Variants in PCCB observed in about 807,000 individuals in gnomAD.
PCCB encodes the protein propionyl-CoA carboxylase subunit beta, also known as propionyl-CoA carboxylase beta chain, mitochondrial.
Under a neutral mutation model 60.7 loss-of-function variants are expected in PCCB, and 43 were observed. The ratio of observed to expected loss-of-function variants is 0.71; its 90% CI spans 0.55 to 0.91. The LOEUF (loss-of-function observed/expected upper bound fraction) is 0.91. PCCB is among the 40% of genes least tolerant of loss of function. The pLI is 0.00. For synonymous variants in PCCB, 276 were observed against 255.9 expected (o/e 1.08, Z -0.75); for missense variants, 766 against 702.8 (o/e 1.09, Z -1.02).
At chr3:136,276,292 G>A (rs181014347) in intron 5 of PCCB, among the ~76,000 whole-genome samples, 76 of 152,282 alleles carry the variant, frequency 5.0e-4, no homozygotes, top group African/African-American at 1.8e-3. Context: ...AAGCAAATGG[G>A]TAAATGCAAT....
rs368340199 is a variant in PCCB at position 136,327,130 on chromosome 3, T to C, written c.1199-25T>C. The C allele has an allele frequency of 1.3e-4, 202 of 1,600,864 alleles. 1 individual carries two copies. Among genetic ancestry groups the C allele is most frequent in the Non-Finnish European group, 1.3e-4 (154 of 1,168,026 alleles). The stretch of plus-strand genomic sequence containing the variant: ...ATAACCATGTGAGGACTTGTGGGTA[T>C]CTAGTAACTCTTCCTCATGTCTAGG... On this transcript the variant is annotated intron_variant, in intron 11 of 14. Coordinates refer to ENST00000251654, the MANE Select transcript of PCCB (RefSeq NM_000532.5).
At chr3:136,261,927 A>G (rs1383592379) in intron 4 of PCCB, 25 bp from the exon 5 acceptor site, 5 of 1,428,194 alleles carry the variant, frequency 3.5e-6, no homozygotes, top group African/African-American at 1.4e-5. Flanking sequence ...ATTTGTCTCA[A>G]TAAAAGATTT....
At chr3:136,298,120 C>A in intron 8 of PCCB, 48 bp downstream of exon 8, 3 of 1,612,318 alleles carry the variant, frequency 1.9e-6, no homozygotes, top group Non-Finnish European at 2.5e-6. Flanking sequence ...GTGTAGCTTG[C>A]CTTTCTCTGC....
intron 5 of PCCB, among the ~76,000 whole-genome samples, chr3:136,267,762 C>G (rs1942044766): frequency 6.6e-6 from 1 of 152,004 alleles, no homozygotes; most frequent in African/African-American, 2.4e-5. Flanking sequence ...GCTGGTGTTA[C>G]TGGCATGAGC....
chr3:136,286,546 A>AAAATTT (rs1933418932), intron 6 of PCCB, among the ~76,000 whole-genome samples: 1 of 152,190 alleles, frequency 6.6e-6, no homozygotes, highest in Non-Finnish European at 1.5e-5. Flanking sequence ...AAGCTTTGAC[A>AAAATTT]CTGCCTTGAC....
chr3:136,285,463 A>G (rs113321614), intron 6 of PCCB, among the ~76,000 whole-genome samples: 1,937 of 152,110 alleles, frequency 0.013, 33 homozygotes, highest in East Asian at 0.047. Context: ...TCTAGTTGGC[A>G]TACTCCTGTA....
At chr3:136,312,942 A>T (rs765761987) in intron 9 of PCCB, among the ~76,000 whole-genome samples, 29 of 152,248 alleles carry the variant, frequency 1.9e-4, no homozygotes, top group Non-Finnish European at 4.1e-4. Context: ...AAAACCACGG[A>T]TAGATAGCTC....
At chr3:136,289,214 C>T (rs1339966956) in intron 6 of PCCB, among the ~76,000 whole-genome samples, 1 of 152,064 alleles carries the variant, frequency 6.6e-6, no homozygotes, top group African/African-American at 2.4e-5. Flanking sequence ...TGGATCTGTC[C>T]ACTTTTGATA....
chr3:136,288,377 C>A (rs1044931919), intron 6 of PCCB, among the ~76,000 whole-genome samples: 4 of 151,606 alleles, frequency 2.6e-5, no homozygotes, highest in Non-Finnish European at 5.9e-5. Context: ...ACGGAGTCTC[C>A]CCCTCTCACC....
chr3:136,300,088 A>G (rs1013941135), intron 8 of PCCB, among the ~76,000 whole-genome samples: 2 of 146,950 alleles, frequency 1.4e-5, no homozygotes, highest in African/African-American at 5.5e-5. Flanking sequence ...ATATACGCAT[A>G]TCTACACATA....
intron 5 of PCCB, among the ~76,000 whole-genome samples, chr3:136,267,839 A>C (rs1056837529): frequency 6.6e-6 from 1 of 150,996 alleles, no homozygotes; most frequent in African/African-American, 2.4e-5. Context: ...CAGTTTATCA[A>C]GTTTTCTTTT....
intron 6 of PCCB, among the ~76,000 whole-genome samples, chr3:136,285,250 A>C (rs1933345549): frequency 6.6e-6 from 1 of 152,086 alleles, no homozygotes; most frequent in African/African-American, 2.4e-5. Flanking sequence ...GTGTGGGATC[A>C]ATTCCTCTGG....
chr3:136,287,367 T>A (rs1038373338), intron 6 of PCCB, among the ~76,000 whole-genome samples: 5 of 152,238 alleles, frequency 3.3e-5, no homozygotes, highest in Admixed American at 6.5e-5. Flanking sequence ...GAAAATGTAG[T>A]TCATTCACTT....
At chr3:136,299,095 T>G (rs187629628) in intron 8 of PCCB, among the ~76,000 whole-genome samples, 47 of 152,196 alleles carry the variant, frequency 3.1e-4, no homozygotes, top group Admixed American at 7.2e-4. Flanking sequence ...GTTTAGGACA[T>G]CACTTGAAGG....
chr3:136,267,734 A>G (rs983682499), intron 5 of PCCB, among the ~76,000 whole-genome samples: 7 of 151,278 alleles, frequency 4.6e-5, no homozygotes, highest in Non-Finnish European at 2.9e-5. Context: ...CTGTCCTCCT[A>G]CCTCGGCTTC....
intron 5 of PCCB, among the ~76,000 whole-genome samples, chr3:136,265,277 T>C (rs1941956338): frequency 6.6e-6 from 1 of 152,232 alleles, no homozygotes; most frequent in Non-Finnish European, 1.5e-5. Context: ...TAATTTTAAA[T>C]TAATTTTTAG....
intron 9 of PCCB, among the ~76,000 whole-genome samples, chr3:136,315,652 A>G (rs1934861308): frequency 6.6e-6 from 1 of 151,986 alleles, no homozygotes; most frequent in Non-Finnish European, 1.5e-5. Context: ...GCAACATAGC[A>G]AGACCCTGTC....
At chr3:136,259,752 ATATG>A (rs542270934) in intron 3 of PCCB, among the ~76,000 whole-genome samples, 5 of 152,122 alleles carry the variant, frequency 3.3e-5, no homozygotes, top group Non-Finnish European at 7.3e-5. Flanking sequence ...TTTAAAAACT[ATATG>A]TATGTATTTT....
rs951850192 is a variant in PCCB, at chr3:136,299,426, G to C, written c.884+1354G>C. 7.9e-5 allele frequency among the ~76,000 whole-genome samples: 12 copies of C among 151,826 alleles called. No homozygotes were observed. In the East Asian group the frequency reaches 2.3e-3, roughly 29 times the overall value. On this transcript the variant is annotated intron_variant, in intron 8 of 14. Transcript: ENST00000251654. ...TATGTATATGCATATGTATGTATAT[G>C]TATGCTTATGTATATATGCATATGT... is the stretch of plus-strand genomic sequence containing the variant.
Sources: gnomAD v4.1 joint callset for allele counts (sites outside exome capture counted in the v4.1 genomes callset) on GRCh38, gnomAD v4.1.1 for gene constraint, MANE v1.5 for transcripts, NCBI Gene and HGNC (gene_info 2026-07-23, HGNC 2026-07-21) for gene names.